Variants in ONECUT3 observed in about 807,000 individuals in gnomAD.
ONECUT3 encodes the protein one cut homeobox 3, also known as one cut domain family member 3.
A neutral mutation model predicts 16.8 loss-of-function variants in ONECUT3; 11 were observed. That is an observed-to-expected ratio of 0.66 (90% confidence interval 0.41 to 1.09). The LOEUF is 1.09. Ranked by LOEUF, ONECUT3 falls within the 50% of genes least tolerant of loss-of-function variation. ONECUT3 has a pLI of 0.00. For missense variants in ONECUT3, 637 were observed against 629.9 expected, an observed-to-expected ratio of 1.01 and a Z score of -0.12; for synonymous variants, 344 against 310.7, an observed-to-expected ratio of 1.11 and a Z score of -1.13.
Position 1,776,192 on chromosome 19 carries a change from GA to G in ONECUT3, c.*748del, listed in dbSNP as rs1458170020. 1 of 151,730 alleles carries G rather than the reference GA, an allele frequency of 6.6e-6. No homozygotes were observed. The highest frequency in any genetic ancestry group is 2.4e-5 in the African/African-American group (1 of 41,202). 9.4% of individuals were successfully genotyped at this position (151,730 alleles called of 1,614,324 possible). A position where few individuals can be genotyped will look rare whatever the true frequency, so the allele number is the denominator to read the frequency against. On this transcript the variant is annotated 3_prime_UTR_variant, in exon 2 of 2. Transcript: ENST00000382349. This position sits in a 1 kb window ranked among gnomAD's most constrained non-coding sequence, Gnocchi z 4.9. Reference sequence around the variant, plus strand: ...TCCCACCCCATCCCAGGCCGCAGGGGACGGGGGGCTCCCACGTGCGGGTAAA... The same window carrying G: ...TCCCACCCCATCCCAGGCCGCAGGGGCGGGGGGCTCCCACGTGCGGGTAAA...
chr19:1,778,279 T>G lies in ONECUT3; in HGVS notation c.*2834T>G, dbSNP rs754728994. On this transcript the variant is annotated 3_prime_UTR_variant, in exon 2 of 2. Coordinates refer to ENST00000382349, the MANE Select transcript of ONECUT3 (RefSeq NM_001080488.2). ...ATGCCCATTTAATTTTTTAAGGGAT[T>G]TCTTGTAGATATGGGGTCTCACTAT... The G allele has an allele frequency of 1.3e-5, 2 of 152,020 alleles. No individual in the cohort carries two copies. The highest frequency in any genetic ancestry group is 2.9e-5 in the Non-Finnish European group (2 of 68,028). 9.4% of individuals were successfully genotyped at this position (152,020 alleles called of 1,614,324 possible).
rs916500842 is a variant in ONECUT3, at chr19:1,758,311, A to AG, written c.1192+3457_1192+3458insG. On this transcript the variant is annotated intron_variant, in intron 1 of 1. Coordinates refer to ENST00000382349, the MANE Select transcript of ONECUT3 (RefSeq NM_001080488.2). This position sits in a 1 kb window ranked among gnomAD's most constrained non-coding sequence, Gnocchi z 5.9. ...AGAGGCAGAGAGACCAAAAAAAAAA[A>AG]AAAAAGAGAGAGAGAGAGAGAGAGA... Among the ~76,000 whole-genome samples, 1 of 118,210 alleles carries AG rather than the reference A, an allele frequency of 8.5e-6. No individual in the cohort carries two copies. Among genetic ancestry groups the AG allele is most frequent in the African/African-American group, 3.3e-5 (1 of 30,526 alleles). The allele number at this position is 118,210 out of a possible 152,430, so 77.6% of individuals were successfully genotyped here.
rs1378889317 is a variant in ONECUT3 at position 1,755,265 on chromosome 19, G to A, written c.1192+411G>A. ...GAACGAGCTGCTGTTGTCGGCTAAG[G>A]TGCCACTCCCCTCCTCCAGAGTGGG... On this transcript the variant is annotated intron_variant, in intron 1 of 1. Transcript: ENST00000382349. This position sits in a 1 kb window ranked among gnomAD's most constrained non-coding sequence, Gnocchi z 7.5. 6.6e-6 allele frequency among the ~76,000 whole-genome samples: 1 copy of A among 151,950 alleles called. No individual in the cohort carries two copies. Among genetic ancestry groups the A allele is most frequent in the Admixed American group, 6.6e-5 (1 of 15,266 alleles).
rs1455268953 is a variant in ONECUT3 at position 1,755,300 on chromosome 19, G to T, written c.1192+446G>T. 3.3e-5 allele frequency among the ~76,000 whole-genome samples: 5 copies of T among 152,112 alleles called. No individual in the cohort carries two copies. In the East Asian group the frequency reaches 9.7e-4, roughly 29 times the overall value. On this transcript the variant is annotated intron_variant, in intron 1 of 1. Transcript: ENST00000382349. The surrounding 1 kb of genome is among the most constrained non-coding windows in gnomAD (Gnocchi z 7.5). The stretch of plus-strand genomic sequence containing the variant: ...CCTCCTCCAGAGTGGGTGGAGAGGG[G>T]CTGTTGAGCCCCCAGCCCCGGGCCA...
chr19:1,761,485 G>A (rs537208858), intron 1 of ONECUT3, among the ~76,000 whole-genome samples: 6 of 152,340 alleles, frequency 3.9e-5, no homozygotes, highest in Non-Finnish European at 7.3e-5. Flanking sequence ...GGTTTCCTGT[G>A]GTGGCCTACA....
intron 1 of ONECUT3, among the ~76,000 whole-genome samples, chr19:1,773,334 G>T (rs553011019): frequency 2.0e-5 from 3 of 151,246 alleles, no homozygotes; most frequent in African/African-American, 7.3e-5. Context: ...GTAACCCACA[G>T]GCATCACTTG....
intron 1 of ONECUT3, among the ~76,000 whole-genome samples, chr19:1,770,452 T>C (rs1438065017): frequency 6.6e-6 from 1 of 152,076 alleles, no homozygotes; most frequent in African/African-American, 2.4e-5. Flanking sequence ...AAAACAAGAA[T>C]TATTGTTAAG....
intron 1 of ONECUT3, among the ~76,000 whole-genome samples, chr19:1,769,807 G>A (rs2068037335): frequency 6.6e-6 from 1 of 152,138 alleles, no homozygotes; most frequent in Admixed American, 6.5e-5. Flanking sequence ...ACGCCGGGAA[G>A]GGGGGCAGCA....
Position 1,780,529 on chromosome 19 carries a change from G to A in ONECUT3, c.*5084G>A, listed in dbSNP as rs935843560. The A allele has an allele frequency of 3.3e-5, 5 of 152,270 alleles. No homozygotes were observed. The highest frequency in any genetic ancestry group is 1.2e-4 in the African/African-American group (5 of 41,426). The allele number at this position is 152,270 out of a possible 1,614,324, so 9.4% of individuals were successfully genotyped here. On this transcript the variant is annotated 3_prime_UTR_variant, in exon 2 of 2. Coordinates refer to ENST00000382349, the MANE Select transcript of ONECUT3 (RefSeq NM_001080488.2). ...CGCTTTTGGGACAGGCCCCAGTAGG[G>A]GGGGGCGGGGTAGCTAAACGGGGTG... is the stretch of plus-strand genomic sequence containing the variant.
intron 1 of ONECUT3, among the ~76,000 whole-genome samples, chr19:1,771,309 A>G (rs991627123): frequency 2.0e-5 from 3 of 152,030 alleles, no homozygotes; most frequent in Non-Finnish European, 4.4e-5. Context: ...ATCCCACACC[A>G]TCCTTTTTTT....
rs551632954 is a variant in ONECUT3 at position 1,766,327 on chromosome 19, C to T, written c.1193-8826C>T. 2.8e-3 allele frequency among the ~76,000 whole-genome samples: 419 copies of T among 152,308 alleles called. 2 individuals carry two copies. The highest frequency in any genetic ancestry group is 9.5e-3 in the African/African-American group (395 of 41,568). ...CCGCACGCGGCCAACGTCAGGCGCG[C>T]GCAGAGGCACCCACGGGCCCGCCTT... On this transcript the variant is annotated intron_variant, in intron 1 of 1. Transcript: ENST00000382349. This position sits in a 1 kb window ranked among gnomAD's most constrained non-coding sequence, Gnocchi z 4.0.
chr19:1,767,857 T>C (rs1030617163), intron 1 of ONECUT3, among the ~76,000 whole-genome samples: 3 of 152,082 alleles, frequency 2.0e-5, no homozygotes, highest in African/African-American at 7.2e-5. Flanking sequence ...GGCTCAGATG[T>C]GGGCATGGGG....
At chr19:1,761,598 A>G (rs1310687059) in intron 1 of ONECUT3, among the ~76,000 whole-genome samples, 1 of 152,216 alleles carries the variant, frequency 6.6e-6, no homozygotes, top group Non-Finnish European at 1.5e-5. Context: ...AGCAGCTGTT[A>G]GGAGGGAGGC....
rs534429831 is a variant in ONECUT3, at chr19:1,779,904, C to G, written c.*4459C>G. 24 of 152,182 alleles carry G rather than the reference C, an allele frequency of 1.6e-4. No individual in the cohort carries two copies. Among genetic ancestry groups the G allele is most frequent in the African/African-American group, 5.5e-4 (23 of 41,484 alleles). 9.4% of individuals were successfully genotyped at this position (152,182 alleles called of 1,614,324 possible). On this transcript the variant is annotated 3_prime_UTR_variant, in exon 2 of 2. Coordinates refer to ENST00000382349, the MANE Select transcript of ONECUT3 (RefSeq NM_001080488.2). ...TCCACCCGAGATGCCACCTGCCTGC[C>G]CCAGCCAGGCGGGAGCCACCGAGCG...
chr19:1,770,997 G>A (rs1055333407), intron 1 of ONECUT3, among the ~76,000 whole-genome samples: 16 of 152,086 alleles, frequency 1.1e-4, no homozygotes, highest in African/African-American at 2.2e-4. Flanking sequence ...ACATTATTAC[G>A]CTTTTGGAAA....
chr19:1,761,200 G>C (rs1227512301), intron 1 of ONECUT3, among the ~76,000 whole-genome samples: 1 of 151,996 alleles, frequency 6.6e-6, no homozygotes, highest in South Asian at 2.1e-4. Flanking sequence ...TTACAGGCAT[G>C]AGCCACCACG....
rs1411873999 is a variant in ONECUT3, at chr19:1,777,743, C to T, written c.*2298C>T. The T allele has an allele frequency of 6.6e-6, 1 of 152,018 alleles. No individual in the cohort carries two copies. Among genetic ancestry groups the T allele is most frequent in the African/African-American group, 2.4e-5 (1 of 41,362 alleles). The allele number at this position is 152,018 out of a possible 1,614,324, so 9.4% of individuals were successfully genotyped here. A position where few individuals can be genotyped will look rare whatever the true frequency, so the allele number is the denominator to read the frequency against. On this transcript the variant is annotated 3_prime_UTR_variant, in exon 2 of 2. Transcript: ENST00000382349. ...GGCGCGGTGGTTCACGCCTGGAATCCCAGCATTTTGGGAGGCCGAGGCGGG... is the reference window on the plus strand; with the variant it reads ...GGCGCGGTGGTTCACGCCTGGAATCTCAGCATTTTGGGAGGCCGAGGCGGG...
intron 1 of ONECUT3, among the ~76,000 whole-genome samples, chr19:1,770,984 T>C (rs1404097705): frequency 6.6e-6 from 1 of 152,200 alleles, no homozygotes; most frequent in Admixed American, 6.5e-5. Context: ...CATTTAGTAA[T>C]TAACATTATT....
chr19:1,765,091 G>A (rs559030312), intron 1 of ONECUT3, among the ~76,000 whole-genome samples: 1 of 152,238 alleles, frequency 6.6e-6, no homozygotes, highest in African/African-American at 2.4e-5. Flanking sequence ...GGCACAGAGG[G>A]ACATGGGATG....
Sources: gnomAD v4.1 joint callset for allele counts (sites outside exome capture counted in the v4.1 genomes callset) on GRCh38, gnomAD v4.1.1 for gene constraint, Gnocchi (gnomAD v3.1) non-coding constraint, MANE v1.5 for transcripts, NCBI Gene and HGNC (gene_info 2026-07-23, HGNC 2026-07-21) for gene names.